The following CFAP47 variants were observed in gnomAD, a reference collection of about 807,000 sequenced individuals.
CFAP47 encodes cilia and flagella associated protein 47.
Under a neutral mutation model 148.1 loss-of-function variants are expected in CFAP47, and 29 were observed. The observed-to-expected ratio is 0.20, with a 90% CI of 0.15 to 0.27. The LOEUF is 0.27. Ranked by LOEUF, CFAP47 falls within the 10% of genes least tolerant of loss-of-function variation. The pLI is 1.00. For missense variants in CFAP47, 1,872 were observed against 1,697.5 expected (o/e 1.10, Z -1.81); for synonymous variants, 664 against 577.3 (o/e 1.15, Z -2.15).
intron 22 of CFAP47, among the ~76,000 whole-genome samples, chrX:36,025,056 G>A (rs1438097634): frequency 1.8e-5 from 2 of 111,166 alleles, no homozygotes; most frequent in Admixed American, 9.6e-5. Context: ...AATTCATCCC[G>A]TAAGTATCTC....
At chrX:36,175,345 A>G (rs764078091) in intron 39 of CFAP47, among the ~76,000 whole-genome samples, 1 of 112,046 alleles carries the variant, frequency 8.9e-6, no homozygotes, top group Non-Finnish European at 1.9e-5. Context: ...CTGTTGAGGA[A>G]CTGCGTTCCT....
chrX:36,171,016 G>C (rs771835702), intron 39 of CFAP47, among the ~76,000 whole-genome samples: 2 of 111,159 alleles, frequency 1.8e-5, no homozygotes, highest in Admixed American at 1.9e-4. Flanking sequence ...GTATCTCATT[G>C]TGGTTTTGAT....
At position 36,223,244 on chromosome X, in the gene CFAP47, G is replaced by T. The variant is rs1030203453; in HGVS notation, c.6818-5384G>T. ...AGTTAAATAAATTTCCCAGTCTCAG[G>T]TATTTCTTTATAGCAATGCGAGAAT... On this transcript the variant is annotated intron_variant, in intron 45 of 63. Coordinates refer to ENST00000378653, the MANE Select transcript of CFAP47 (RefSeq NM_001304548.2). Among the ~76,000 whole-genome samples, 11 of 110,086 alleles carry T rather than the reference G, an allele frequency of 1.0e-4. No homozygotes were observed. The Admixed American group carries it at 1.1e-3, about 11-fold the overall frequency.
chrX:35,975,542 C>A, intron 14 of CFAP47, 130 bp from the exon 15 acceptor site: 1 of 724,226 alleles, frequency 1.4e-6, no homozygotes, highest in Non-Finnish European at 2.0e-6. Flanking sequence ...AATTATCTTT[C>A]ATAATTAAAG....
At chrX:36,260,816 T>C (rs955184448) in intron 49 of CFAP47, among the ~76,000 whole-genome samples, 13 of 112,047 alleles carry the variant, frequency 1.2e-4, no homozygotes, top group African/African-American at 3.9e-4. Flanking sequence ...GGTTTTGTTC[T>C]AGGGTTTTTT....
intron 40 of CFAP47, among the ~76,000 whole-genome samples, chrX:36,182,069 T>A (rs368856789): frequency 9.8e-5 from 11 of 112,434 alleles, no homozygotes; most frequent in South Asian, 3.7e-4. Flanking sequence ...AGACTCTAGA[T>A]CATGTAGCAC....
chrX:36,166,645 CT>C (rs1303897393), intron 39 of CFAP47, among the ~76,000 whole-genome samples: 22 of 111,299 alleles, frequency 2.0e-4, no homozygotes, highest in Admixed American at 1.7e-3. Context: ...TACTTTTCTT[CT>C]TTTTGTGTGT....
chrX:36,109,173 G>A (rs1480690269), intron 33 of CFAP47, among the ~76,000 whole-genome samples: 2 of 112,069 alleles, frequency 1.8e-5, no homozygotes, highest in Non-Finnish European at 3.8e-5. Flanking sequence ...TATGTGCCAT[G>A]TTTTGTTTAT....
At chrX:35,937,104 G>GT (rs377601530) in intron 2 of CFAP47, among the ~76,000 whole-genome samples, 2,086 of 55,307 alleles carry the variant, frequency 0.038, 283 homozygotes, top group African/African-American at 0.062. Flanking sequence ...TGCAATTGCT[G>GT]TTTTTTTTTT....
At chrX:35,995,122 G>C (rs1936831029) in intron 18 of CFAP47, among the ~76,000 whole-genome samples, 1 of 111,171 alleles carries the variant, frequency 9.0e-6, no homozygotes, top group Non-Finnish European at 1.9e-5. Flanking sequence ...CAGATTAAAA[G>C]GATGGAAGCG....
Position 36,212,179 on chromosome X carries a change from A to C in CFAP47, c.6817+7069A>C, listed in dbSNP as rs190186317. Among the ~76,000 whole-genome samples the C allele has an allele frequency of 6.2e-5, 7 of 112,173 alleles. No homozygotes were observed. The Admixed American group carries it at 6.6e-4, about 11-fold the overall frequency. On this transcript the variant is annotated intron_variant, in intron 45 of 63. Coordinates refer to ENST00000378653, the MANE Select transcript of CFAP47 (RefSeq NM_001304548.2). ...ACATTCTGAATGCTTCTAAGTAAAAACAATTTTTGAAATAAAAAAATCAAT... is the reference window on the plus strand; with the variant it reads ...ACATTCTGAATGCTTCTAAGTAAAACCAATTTTTGAAATAAAAAAATCAAT...
rs1942057948 is a variant in CFAP47, at chrX:36,379,494, A to G, written c.9330A>G (p.Lys3110=). ...TTAAACCTAAAATGTACTGTAGGAA[A>G]TATAAAGCAACATTAGTAATACAGG... ...VGFKPKMYCR[K]YKATLVIQTE... is the part of the protein sequence containing the mutation. Residue 3110 remains lysine, a synonymous_variant, in exon 63 of 64, where the codon AAA becomes AAG. Transcript: ENST00000378653. The G allele has an allele frequency of 2.6e-6, 3 of 1,162,978 alleles. No individual in the cohort carries two copies. Among genetic ancestry groups the G allele is most frequent in the African/African-American group, 1.8e-5 (1 of 56,293 alleles).
intron 61 of CFAP47, chrX:36,365,741 T>C (rs782417355): frequency 9.0e-6 from 1 of 111,184 alleles, no homozygotes; most frequent in Non-Finnish European, 1.9e-5. Flanking sequence ...GTATTTGGTT[T>C]TCTGGTTTTC....
At chrX:36,270,572 C>A (rs1940947296) in intron 49 of CFAP47, among the ~76,000 whole-genome samples, 1 of 89,654 alleles carries the variant, frequency 1.1e-5, no homozygotes, top group African/African-American at 4.7e-5. Context: ...TATATGATAC[C>A]CTAAACATGT....
intron 38 of CFAP47, among the ~76,000 whole-genome samples, chrX:36,160,093 G>T (rs995379658): frequency 1.8e-5 from 2 of 111,666 alleles, no homozygotes; most frequent in African/African-American, 6.5e-5. Flanking sequence ...GGATTATAAA[G>T]AAATTTAGGT....
intron 29 of CFAP47, among the ~76,000 whole-genome samples, chrX:36,074,630 CAT>C (rs775931928): frequency 6.1e-4 from 68 of 111,227 alleles, no homozygotes; most frequent in Non-Finnish European, 1.2e-3. Flanking sequence ...AAATTGCAAT[CAT>C]ATATAATTAT....
intron 8 of CFAP47, among the ~76,000 whole-genome samples, chrX:35,958,298 G>C (rs1936275290): frequency 9.0e-6 from 1 of 111,508 alleles, no homozygotes; most frequent in Admixed American, 9.6e-5. Flanking sequence ...CATTTGGGTT[G>C]TTTCCACCTT....
In CFAP47 at chrX:36,138,330, AT is replaced by A. The variant is rs376682738; in HGVS notation, c.5419-5del. On this transcript the variant is annotated splice_polypyrimidine_tract_variant and intron_variant, in intron 34 of 63. Transcript: ENST00000378653. ...TTTTATTCCATTACCAAAAGGTTTG[AT>A]TTTTTTTTTTTTACAGATTGAGTCT... The A allele has an allele frequency of 0.094, 64,993 of 688,670 alleles. 1,654 individuals are homozygous for A. Among genetic ancestry groups the A allele is most frequent in the African/African-American group, 0.35 (15,148 of 43,395 alleles). The allele number at this position is 688,670 out of a possible 1,213,427, so 56.8% of individuals were successfully genotyped here. A position where few individuals can be genotyped will look rare whatever the true frequency, so the allele number is the denominator to read the frequency against.
chrX:35,990,982 T>TAGTTAGGA (rs916551424), intron 16 of CFAP47, among the ~76,000 whole-genome samples: 1 of 111,676 alleles, frequency 9.0e-6, no homozygotes, highest in African/African-American at 3.2e-5. Flanking sequence ...TCCTTGTTCA[T>TAGTTAGGA]AGTTAGGAGT....
Sources: allele counts gnomAD v4.1 joint callset (sites outside exome capture counted in the v4.1 genomes callset), GRCh38; gene constraint gnomAD v4.1.1; transcripts MANE v1.5; gene names NCBI Gene and HGNC (gene_info 2026-07-23, HGNC 2026-07-21).